Variants in NAV3 observed in about 807,000 individuals in gnomAD.
The protein encoded by NAV3 is neuron navigator 3.
NAV3 carries 87 observed loss-of-function variants against 244.7 expected under a neutral mutation model. That is an observed-to-expected ratio of 0.36 (90% CI 0.30 to 0.42). The LOEUF (loss-of-function observed/expected upper bound fraction) is 0.42, where lower values mean the gene tolerates loss of function less well. Ranked by LOEUF, NAV3 falls within the 20% of genes least tolerant of loss-of-function variation. The pLI is 1.00. For missense variants in NAV3, 2,663 were observed against 2,893.3 expected, an observed-to-expected ratio of 0.92 and a Z score of 1.83; for synonymous variants, 1,126 against 1,042.2, an observed-to-expected ratio of 1.08 and a Z score of -1.55.
At chr12:77,655,669 T>G (rs1592546774) in intron 2 of NAV3, among the ~76,000 whole-genome samples, 1 of 151,844 alleles carries the variant, frequency 6.6e-6, no homozygotes, top group African/African-American at 2.4e-5. Context: ...TTCACCAAAG[T>G]TGAAATGAAG....
At chr12:78,059,598 A>G (rs1296263578) in intron 12 of NAV3, among the ~76,000 whole-genome samples, 2 of 152,088 alleles carry the variant, frequency 1.3e-5, no homozygotes, top group African/African-American at 2.4e-5. Context: ...ATTTGGGGAT[A>G]TTTTTAAAAC....
rs758170944 is a variant in NAV3, at chr12:77,831,612, A to G, written c.151A>G (p.Met51Val). ...PLELTETESS[M>V]LSCQLALKST... is the part of the protein sequence containing the mutation. ...GGAACTTACTGAAACAGAGAGCTCC[A>G]TGCTTTCTTGTCAGCTTGCGTTAAA... Residue 51 changes from methionine to valine, a missense_variant, in exon 1 of 40, where the codon ATG (methionine) becomes GTG (valine). Physicochemically the swap from Met to Val is conservative, Grantham distance 21. Transcript: ENST00000397909. 8 of 1,613,960 alleles carry G rather than the reference A, an allele frequency of 5.0e-6. No individual in the cohort carries two copies. The highest frequency in any genetic ancestry group is 4.4e-5 in the South Asian group (4 of 91,080).
intron 2 of NAV3, among the ~76,000 whole-genome samples, chr12:77,586,392 AC>A (rs1232861612): frequency 1.3e-5 from 2 of 152,190 alleles, no homozygotes; most frequent in Non-Finnish European, 2.9e-5. Context: ...ATTCAGAAAG[AC>A]TAGGGTTTCA....
intron 16 of NAV3, among the ~76,000 whole-genome samples, chr12:78,123,909 G>A (rs917275144): frequency 6.6e-6 from 1 of 152,030 alleles, no homozygotes; most frequent in African/African-American, 2.4e-5. Flanking sequence ...AGGTAAATGG[G>A]CATCTTCACA....
intron 9 of NAV3, among the ~76,000 whole-genome samples, chr12:78,043,634 T>A (rs1469145945): frequency 6.6e-6 from 1 of 152,214 alleles, no homozygotes; most frequent in Non-Finnish European, 1.5e-5. Flanking sequence ...CTAACCGGCG[T>A]GAGATGGTAT....
chr12:78,172,435 C>A (rs551296592), intron 24 of NAV3, among the ~76,000 whole-genome samples: 1 of 151,638 alleles, frequency 6.6e-6, no homozygotes, highest in African/African-American at 2.4e-5. Flanking sequence ...GTCTTTGTCT[C>A]CATAGAACTT....
Position 78,181,034 on chromosome 12 carries a change from C to T in NAV3, c.5681C>T (p.Ala1894Val), listed in dbSNP as rs1417855849. 1.2e-6 allele frequency: 2 copies of T among 1,612,720 alleles called. No homozygotes were observed. Among genetic ancestry groups the T allele is most frequent in the African/African-American group, 1.3e-5 (1 of 74,848 alleles). Residue 1894 changes from alanine (A) to valine (V), a missense_variant, in exon 30 of 40, where the codon GCT (alanine) becomes GTT (valine). By Grantham distance (64) the Ala-to-Val change is moderately conservative. Coordinates refer to ENST00000397909, the MANE Select transcript of NAV3 (RefSeq NM_001024383.2). Reference sequence around the variant, plus strand: ...CTAAACAATTTGAACATCACAGAGGCTGTTAGCTCAGGTGATTTAGTGCAC... The same window carrying T: ...CTAAACAATTTGAACATCACAGAGGTTGTTAGCTCAGGTGATTTAGTGCAC... ...LSLNNLNITE[A>V]VSSDILLDDA...
intron 2 of NAV3, among the ~76,000 whole-genome samples, chr12:77,643,044 T>A (rs2136958923): frequency 6.6e-6 from 1 of 152,118 alleles, no homozygotes; most frequent in Middle Eastern, 3.4e-3. Context: ...TTCTCTTCTT[T>A]CATTTGTTCT....
At chr12:77,585,476 TAAGAA>T (rs1303963409) in intron 2 of NAV3, among the ~76,000 whole-genome samples, 1 of 127,152 alleles carries the variant, frequency 7.9e-6, no homozygotes, top group Admixed American at 8.6e-5. Context: ...AATTTCTTGT[TAAGAA>T]AGGAAAAAGA....
upstream of NAV3, among the ~76,000 whole-genome samples, chr12:77,826,382 C>T (rs180923867): frequency 2.2e-4 from 33 of 152,100 alleles, no homozygotes; most frequent in African/African-American, 4.8e-4. Context: ...GTCCAAGCTA[C>T]GCAGGAGGCT....
intron 9 of NAV3, among the ~76,000 whole-genome samples, chr12:78,048,026 C>T (rs11108014): frequency 0.31 from 46,829 of 151,992 alleles, 8,277 homozygotes; most frequent in African/African-American, 0.49. Flanking sequence ...GTATGCTTCA[C>T]GAAGAATTTC....
intron 1 of NAV3, among the ~76,000 whole-genome samples, chr12:77,873,807 T>C (rs913520418): frequency 1.4e-5 from 2 of 145,882 alleles, no homozygotes; most frequent in South Asian, 2.2e-4. Context: ...TTTCTAGATA[T>C]ATTGTGTCAA....
intron 2 of NAV3, among the ~76,000 whole-genome samples, chr12:77,577,492 T>G (rs545233574): frequency 9.5e-4 from 144 of 152,316 alleles, no homozygotes; most frequent in Non-Finnish European, 1.4e-3. Flanking sequence ...GAATGGGACA[T>G]ATGCATACTT....
At chr12:78,077,369 C>T (rs142773628) in intron 12 of NAV3, among the ~76,000 whole-genome samples, 153 of 152,230 alleles carry the variant, frequency 1.0e-3, no homozygotes, top group African/African-American at 3.3e-3. Context: ...TTAGGCTTTA[C>T]GGGCCAAGAG....
intron 2 of NAV3, among the ~76,000 whole-genome samples, chr12:77,689,757 T>C (rs1450668187): frequency 1.3e-5 from 2 of 151,886 alleles, no homozygotes; most frequent in Non-Finnish European, 2.9e-5. Context: ...TAGGTATTTT[T>C]ATTTAAGGCA....
rs963883460 is a variant in NAV3, at chr12:78,118,229, G to A, written c.2972G>A (p.Arg991Lys). The A allele has an allele frequency of 6.2e-7, 1 of 1,613,666 alleles. No homozygotes were observed. The highest frequency in any genetic ancestry group is 8.5e-7 in the Non-Finnish European group (1 of 1,179,788). Residue 991 changes from arginine (R) to lysine (K), a missense_variant, in exon 14 of 40, where the codon AGA becomes AAA. Physicochemically the swap from Arg to Lys is conservative, Grantham distance 26. Around this residue, in one of 6 missense-constraint regions of NAV3, gnomAD observed 1,521 missense variants for 1,497.0 expected, o/e 1.02. Coordinates refer to ENST00000397909, the MANE Select transcript of NAV3 (RefSeq NM_001024383.2). The part of the protein sequence containing the change: ...LSVSQTGSWR[R>K]GMSAQGGAPS... ...GTTTCACAGACAGGTTCCTGGAGAA[G>A]AGGCATGTCTGCCCAAGGAGGGGCG...
chr12:77,932,774 T>A (rs1888934075), intron 1 of NAV3, among the ~76,000 whole-genome samples: 1 of 152,158 alleles, frequency 6.6e-6, no homozygotes, highest in Admixed American at 6.5e-5. Context: ...CCTTCTTAGC[T>A]TCAGATATTA....
rs796840739 is a variant in NAV3, at chr12:78,122,273, G to A, written c.4083G>A (p.Pro1361=). ...CCTCTGCAGGCAGCAAGGATACTCC[G>A]AGCTACCAGTCCATGACTAGCCTCC... ...SSSSAGSKDT[P]SYQSMTSLHT... is the part of the protein sequence containing the mutation. Residue 1361 remains proline (P), a synonymous_variant, in exon 16 of 40, where the codon CCG becomes CCA. Transcript: ENST00000397909. 1.9e-6 allele frequency: 3 copies of A among 1,614,078 alleles called. No homozygotes were observed. The highest frequency in any genetic ancestry group is 2.7e-5 in the African/African-American group (2 of 75,004).
At chr12:77,937,699 TAGG>T (rs1304816869) in intron 1 of NAV3, among the ~76,000 whole-genome samples, 1 of 152,160 alleles carries the variant, frequency 6.6e-6, no homozygotes, top group Non-Finnish European at 1.5e-5. Flanking sequence ...GAATTAGTGA[TAGG>T]AGTAGTGTCA....
Sources: gnomAD v4.1 joint callset for allele counts (sites outside exome capture counted in the v4.1 genomes callset) on GRCh38, gnomAD v4.1.1 for gene constraint, gnomAD v4.1.1 regional missense constraint, MANE v1.5 for transcripts, NCBI Gene and HGNC (gene_info 2026-07-23, HGNC 2026-07-21) for gene names.